The following SIRPA variants were observed in gnomAD, a reference collection of about 807,000 sequenced individuals.
The protein encoded by SIRPA is signal regulatory protein alpha.
SIRPA carries 9 observed loss-of-function variants against 50.3 expected under a neutral mutation model. The ratio of observed to expected loss-of-function variants is 0.18; its 90% confidence interval spans 0.11 to 0.31. SIRPA has a LOEUF of 0.31. Among genes scored for constraint, SIRPA ranks in the 10% least tolerant of loss-of-function variants. The probability of loss-of-function intolerance (pLI) is 1.00; values close to 1 mark genes in which losing one functional copy is unlikely to be tolerated. For missense variants in SIRPA, 474 were observed against 661.6 expected (o/e 0.72, Z 3.11); for synonymous variants, 265 against 284.1 (o/e 0.93, Z 0.68).
chr20:1,907,967 C>T (rs1319844577), intron 1 of SIRPA, among the ~76,000 whole-genome samples: 1 of 152,214 alleles, frequency 6.6e-6, no homozygotes, highest in Non-Finnish European at 1.5e-5. Flanking sequence ...TCATGGGCTC[C>T]AGCAGATGGT....
At chr20:1,896,186 G>A (rs1371649074) in intron 1 of SIRPA, among the ~76,000 whole-genome samples, 5 of 152,202 alleles carry the variant, frequency 3.3e-5, no homozygotes, top group Admixed American at 2.6e-4. Context: ...TGGTGGTCTT[G>A]CTCCTTGAGG....
intron 2 of SIRPA, among the ~76,000 whole-genome samples, chr20:1,920,442 C>A (rs2123139340): frequency 6.6e-6 from 1 of 152,320 alleles, no homozygotes; most frequent in South Asian, 2.1e-4. Flanking sequence ...ACGTTTACGA[C>A]CCATCTGCAG....
At chr20:1,914,402 G>C (rs1985095698) in intron 1 of SIRPA, among the ~76,000 whole-genome samples, 1 of 152,214 alleles carries the variant, frequency 6.6e-6, no homozygotes, top group African/African-American at 2.4e-5. Flanking sequence ...ATCCATCGAG[G>C]TGGGGTCATA....
chr20:1,921,728 C>G lies in SIRPA; in HGVS notation c.754+16C>G, dbSNP rs758399102. ...ACCATCCGAGGTAGAAGACCCTCAC[C>G]CAGCCCAAGCCCACACCTGACCGCC... On this transcript the variant is annotated intron_variant, in intron 3 of 7. Coordinates refer to ENST00000358771, the MANE Select transcript of SIRPA (RefSeq NM_001040023.2). The G allele has an allele frequency of 1.2e-6, 2 of 1,614,080 alleles. No homozygotes were observed. Among genetic ancestry groups the G allele is most frequent in the Non-Finnish European group, 1.7e-6 (2 of 1,179,974 alleles).
chr20:1,936,682 C>G lies in SIRPA; in HGVS notation c.1267-638C>G, dbSNP rs1447714376. On this transcript the variant is annotated intron_variant, in intron 7 of 7. Coordinates refer to ENST00000358771, the MANE Select transcript of SIRPA (RefSeq NM_001040023.2). This position sits in a 1 kb window ranked among gnomAD's most constrained non-coding sequence, Gnocchi z 4.2. ...ATGGATCAGACTTCTTATGTGCCAG[C>G]CTTGGTTTCTGAATCATAACAAATG... Among the ~76,000 whole-genome samples, 1 of 152,206 alleles carries G rather than the reference C, an allele frequency of 6.6e-6. No individual in the cohort carries two copies. The highest frequency in any genetic ancestry group is 1.5e-5 in the Non-Finnish European group (1 of 68,040).
intron 6 of SIRPA, among the ~76,000 whole-genome samples, chr20:1,931,561 A>G (rs1253504649): frequency 6.6e-6 from 1 of 152,138 alleles, no homozygotes; most frequent in Admixed American, 6.6e-5. Flanking sequence ...AACCAAAGCA[A>G]TAGCTAGTGA....
chr20:1,927,516 A>G lies in SIRPA; in HGVS notation c.1202-359A>G, dbSNP rs554121919. Among the ~76,000 whole-genome samples, 4 of 152,296 alleles carry G rather than the reference A, an allele frequency of 2.6e-5. No homozygotes were observed. The highest frequency in any genetic ancestry group is 9.6e-5 in the African/African-American group (4 of 41,546). ...TGCTAGAATCTGTTTTCAAGCCACGAAGGGCACTGATTGGGACCTAGGCTT... is the reference window on the plus strand; with the variant it reads ...TGCTAGAATCTGTTTTCAAGCCACGGAGGGCACTGATTGGGACCTAGGCTT... On this transcript the variant is annotated intron_variant, in intron 5 of 7. Coordinates refer to ENST00000358771, the MANE Select transcript of SIRPA (RefSeq NM_001040023.2). The surrounding 1 kb of genome is among the most constrained non-coding windows in gnomAD (Gnocchi z 6.5).
At position 1,898,063 on chromosome 20, in the gene SIRPA, A is replaced by AG. The variant is rs1983934284; in HGVS notation, c.79+2539dup. Among the ~76,000 whole-genome samples, 1 of 152,188 alleles carries AG rather than the reference A, an allele frequency of 6.6e-6. No individual in the cohort carries two copies. Among genetic ancestry groups the AG allele is most frequent in the Admixed American group, 6.5e-5 (1 of 15,282 alleles). Reference sequence around the variant, plus strand: ...CCTTGAGACCTCTGAGTCACCCCCCAGGCCGACCTCAGATAAACTCCCATT... The same window carrying AG: ...CCTTGAGACCTCTGAGTCACCCCCCAGGGCCGACCTCAGATAAACTCCCATT... On this transcript the variant is annotated intron_variant, in intron 1 of 7. Coordinates refer to ENST00000358771, the MANE Select transcript of SIRPA (RefSeq NM_001040023.2). This position sits in a 1 kb window ranked among gnomAD's most constrained non-coding sequence, Gnocchi z 4.3.
chr20:1,899,644 C>T (rs978245462), intron 1 of SIRPA, among the ~76,000 whole-genome samples: 23 of 152,264 alleles, frequency 1.5e-4, no homozygotes, highest in African/African-American at 4.8e-4. Flanking sequence ...TACTCATCCT[C>T]CGAGGTTCAA....
In SIRPA at chr20:1,934,790, T is replaced by C; in HGVS notation, c.1266+36T>C. 6.2e-7 allele frequency: 1 copy of C among 1,612,742 alleles called. No homozygotes were observed. The highest frequency in any genetic ancestry group is 1.1e-5 in the South Asian group (1 of 90,918). On this transcript the variant is annotated intron_variant, in intron 7 of 7. Coordinates refer to ENST00000358771, the MANE Select transcript of SIRPA (RefSeq NM_001040023.2). This position sits in a 1 kb window ranked among gnomAD's most constrained non-coding sequence, Gnocchi z 4.6. ...TGGTGAGATGCCCTTCCTGGGAAAC[T>C]CCGTGGCGTGGTTGCTTCACATCAA...
rs1462098187 is a variant in SIRPA, at chr20:1,924,122, G to T, written c.1088-642G>T. Among the ~76,000 whole-genome samples the T allele has an allele frequency of 3.3e-5, 5 of 152,172 alleles. No individual in the cohort carries two copies. In the East Asian group the frequency reaches 9.6e-4, roughly 29 times the overall value. On this transcript the variant is annotated intron_variant, in intron 4 of 7. Transcript: ENST00000358771. The surrounding 1 kb of genome is among the most constrained non-coding windows in gnomAD (Gnocchi z 4.5). ...GAGGGAGGCTTAACTGACTTGTCCA[G>T]GGTCACACAGCTACTTAGTAGCATA...
At position 1,936,373 on chromosome 20, in the gene SIRPA, C is replaced by T. The variant is rs1421282106; in HGVS notation, c.1267-947C>T. Reference sequence around the variant, plus strand: ...ACCAGGCTCTGTTCTAAACGCTTTACCTGGATAATCTCATTCCATCCTCAC... The same window carrying T: ...ACCAGGCTCTGTTCTAAACGCTTTATCTGGATAATCTCATTCCATCCTCAC... On this transcript the variant is annotated intron_variant, in intron 7 of 7. Transcript: ENST00000358771. The surrounding 1 kb of genome is among the most constrained non-coding windows in gnomAD (Gnocchi z 4.2). 1.3e-5 allele frequency among the ~76,000 whole-genome samples: 2 copies of T among 152,170 alleles called. No individual in the cohort carries two copies. Among genetic ancestry groups the T allele is most frequent in the African/African-American group, 4.8e-5 (2 of 41,426 alleles).
chr20:1,937,519 C>T lies in SIRPA; in HGVS notation c.1466C>T (p.Pro489Leu). The T allele has an allele frequency of 1.9e-6, 3 of 1,614,180 alleles. No individual in the cohort carries two copies. The highest frequency in any genetic ancestry group is 2.5e-6 in the Non-Finnish European group (3 of 1,180,028). ...ACCCCCAAGCAGCCGGCCCCCAAGC[C>T]TGAGCCGTCCTTCTCAGAGTACGCC... ...NRTPKQPAPK[P>L]EPSFSEYASV... Residue 489 changes from proline (P) to leucine (L), a missense_variant, in exon 8 of 8, where the codon CCT becomes CTT. By Grantham distance (98) the Pro-to-Leu change is moderately conservative. Coordinates refer to ENST00000358771, the MANE Select transcript of SIRPA (RefSeq NM_001040023.2). The surrounding 1 kb of genome is among the most constrained non-coding windows in gnomAD (Gnocchi z 8.3).
At chr20:1,909,907 C>T (rs1041540508) in intron 1 of SIRPA, among the ~76,000 whole-genome samples, 1 of 152,166 alleles carries the variant, frequency 6.6e-6, no homozygotes, top group African/African-American at 2.4e-5. Context: ...TTCTAAATCC[C>T]AGTGGTCAGT....
At chr20:1,908,802 A>G (rs1194313868) in intron 1 of SIRPA, among the ~76,000 whole-genome samples, 1 of 152,168 alleles carries the variant, frequency 6.6e-6, no homozygotes, top group Admixed American at 6.5e-5. Context: ...GCCCTGTACT[A>G]TATCCTGTGT....
chr20:1,927,888 T>A lies in SIRPA; in HGVS notation c.1215T>A (p.Thr405=), dbSNP rs752032300. ...RIRQKKAQGS[T]SSTRLHEPEK... ...TTTGTCTTTCAGCCCAGGGCTCCAC[T>A]TCTTCTACAAGGTAAGTGCATCATT... Residue 405 remains threonine (T), a synonymous_variant, in exon 6 of 8, where the codon ACT becomes ACA. Coordinates refer to ENST00000358771, the MANE Select transcript of SIRPA (RefSeq NM_001040023.2). The surrounding 1 kb of genome is among the most constrained non-coding windows in gnomAD (Gnocchi z 6.5). 7 of 1,613,842 alleles carry A rather than the reference T, an allele frequency of 4.3e-6. No homozygotes were observed. The South Asian group carries it at 7.7e-5, about 18-fold the overall frequency.
In SIRPA at chr20:1,924,973, C is replaced by T. The variant is rs1985895361; in HGVS notation, c.1201+96C>T. On this transcript the variant is annotated intron_variant, in intron 5 of 7. Transcript: ENST00000358771. This position sits in a 1 kb window ranked among gnomAD's most constrained non-coding sequence, Gnocchi z 4.5. ...TGCTTTGGGTTAAGGACATCAGCTT[C>T]TGCCAGTAGCAAGAAGTCCAGAGGT... The T allele has an allele frequency of 8.6e-6, 8 of 933,208 alleles. No homozygotes were observed. The South Asian group carries it at 1.1e-4, about 13-fold the overall frequency. The allele number at this position is 933,208 out of a possible 1,614,324, so 57.8% of individuals were successfully genotyped here. A position where few individuals can be genotyped will look rare whatever the true frequency, so the allele number is the denominator to read the frequency against.
intron 1 of SIRPA, among the ~76,000 whole-genome samples, chr20:1,913,149 T>A (rs1007719169): frequency 6.6e-6 from 1 of 152,198 alleles, no homozygotes; most frequent in Non-Finnish European, 1.5e-5. Flanking sequence ...TCTTAAGTGG[T>A]TGATCAGGAA....
Position 1,938,883 on chromosome 20 carries a change from G to A in SIRPA, c.*1315G>A, listed in dbSNP as rs1568519155. On this transcript the variant is annotated 3_prime_UTR_variant, in exon 8 of 8. Coordinates refer to ENST00000358771, the MANE Select transcript of SIRPA (RefSeq NM_001040023.2). ...GAACACACAGAGGGTAGGGATAGTG[G>A]CCCTGGCCGTCTATCCTACCCCTTT... The A allele has an allele frequency of 6.6e-6, 1 of 152,652 alleles. No homozygotes were observed. The highest frequency in any genetic ancestry group is 1.5e-5 in the Non-Finnish European group (1 of 68,046). The allele number at this position is 152,652 out of a possible 1,614,324, so 9.5% of individuals were successfully genotyped here.
Sources: gnomAD v4.1 joint callset for allele counts (sites outside exome capture counted in the v4.1 genomes callset) on GRCh38, gnomAD v4.1.1 for gene constraint, Gnocchi (gnomAD v3.1) non-coding constraint, MANE v1.5 for transcripts, NCBI Gene and HGNC (gene_info 2026-07-23, HGNC 2026-07-21) for gene names.